MIR2052HG: variants seen among roughly 807,000 people sequenced by gnomAD.
The protein encoded by MIR2052HG is MIR2052 host gene.
chr8:74,602,880 C>CTTTCTTTCTTTCTTTTTCTTTCTT (rs1808042817), intron 1 of MIR2052HG, among the ~76,000 whole-genome samples: 1 of 13,540 alleles, frequency 7.4e-5, no homozygotes, highest in Non-Finnish European at 1.4e-4. Context: ...TTTCTTTTTT[C>CTTTCTTTCTTTCTTTTTCTTTCTT]TATTCACAAA....
At chr8:74,745,497 A>G (rs1809874320) in intron 4 of MIR2052HG, among the ~76,000 whole-genome samples, 1 of 152,152 alleles carries the variant, frequency 6.6e-6, no homozygotes, top group South Asian at 2.1e-4. Context: ...GGCCTGATGA[A>G]TCGATAGTAG....
intron 2 of MIR2052HG, among the ~76,000 whole-genome samples, chr8:74,674,894 T>G (rs1050934055): frequency 4.6e-5 from 7 of 151,930 alleles, no homozygotes. Context: ...ACTTTTCTAT[T>G]ACAATTGGAA....
intron 1 of MIR2052HG, among the ~76,000 whole-genome samples, chr8:74,602,876 T>TTCTTTCTTTCTTTCTTTCTTTCTTTC (rs1586883851): frequency 3.1e-4 from 42 of 137,104 alleles, no homozygotes; most frequent in Admixed American, 5.3e-4. Flanking sequence ...TTTCTTTCTT[T>TTCTTTCTTTCTTTCTTTCTTTCTTTC]TTTCTATTCA....
chr8:74,602,876 T>TCTTTCTTTCTTTCTTTC (rs1554570015), intron 1 of MIR2052HG, among the ~76,000 whole-genome samples: 158 of 136,994 alleles, frequency 1.2e-3, no homozygotes, highest in Middle Eastern at 3.8e-3. Context: ...TTTCTTTCTT[T>TCTTTCTTTCTTTCTTTC]TTTCTATTCA....
chr8:74,655,711 G>T (rs905036208), intron 2 of MIR2052HG, among the ~76,000 whole-genome samples: 3 of 152,228 alleles, frequency 2.0e-5, no homozygotes, highest in African/African-American at 7.2e-5. Context: ...GAAGGAAAAT[G>T]TGGGGTTGGA....
chr8:74,628,405 C>T (rs1291187632), intron 2 of MIR2052HG, among the ~76,000 whole-genome samples: 2 of 152,148 alleles, frequency 1.3e-5, no homozygotes, highest in African/African-American at 4.8e-5. Flanking sequence ...AAACTATGTT[C>T]GTGTGGCTCA....
chr8:74,705,333 G>A (rs1297371901), intron 4 of MIR2052HG, among the ~76,000 whole-genome samples: 2 of 151,862 alleles, frequency 1.3e-5, no homozygotes, highest in African/African-American at 4.8e-5. Context: ...TCTTCCATAT[G>A]TTTCAGGTTG....
chr8:74,676,221 A>T (rs530746265), intron 2 of MIR2052HG, among the ~76,000 whole-genome samples: 13 of 152,210 alleles, frequency 8.5e-5, no homozygotes, highest in African/African-American at 3.1e-4. Flanking sequence ...AGAATGAAGG[A>T]AAATTATTTT....
chr8:74,608,908 A>G (rs1475165714), intron 1 of MIR2052HG, among the ~76,000 whole-genome samples: 1 of 152,066 alleles, frequency 6.6e-6, no homozygotes, highest in Non-Finnish European at 1.5e-5. Flanking sequence ...ACAAAATAAA[A>G]TCCAAAGTAA....
At chr8:74,622,261 C>T (rs572080892) in intron 2 of MIR2052HG, among the ~76,000 whole-genome samples, 41 of 152,020 alleles carry the variant, frequency 2.7e-4, no homozygotes, top group Non-Finnish European at 4.4e-4. Context: ...CAGACATTTT[C>T]GAAAAGGTAA....
intron 4 of MIR2052HG, among the ~76,000 whole-genome samples, chr8:74,746,589 T>TGC (rs1242302800): frequency 7.2e-3 from 5 of 694 alleles, no homozygotes; most frequent in South Asian, 0.1. Flanking sequence ...TGTGTGTGTG[T>TGC]GTGTGTGTGT....
chr8:74,644,993 G>A (rs759332795), intron 2 of MIR2052HG, among the ~76,000 whole-genome samples: 1 of 152,102 alleles, frequency 6.6e-6, no homozygotes, highest in Non-Finnish European at 1.5e-5. Context: ...CATTTTAGAT[G>A]CTTTATTTAT....
At chr8:74,630,101 G>C (rs1808488079) in intron 2 of MIR2052HG, among the ~76,000 whole-genome samples, 1 of 152,160 alleles carries the variant, frequency 6.6e-6, no homozygotes, top group Non-Finnish European at 1.5e-5. Context: ...GGAAGTTCAG[G>C]TCTGTTCAGA....
At chr8:74,640,165 G>T (rs1563520474) in intron 2 of MIR2052HG, among the ~76,000 whole-genome samples, 1 of 151,954 alleles carries the variant, frequency 6.6e-6, no homozygotes, top group Non-Finnish European at 1.5e-5. Context: ...CGGAAATAAG[G>T]GTAGACACTG....
At chr8:74,750,282 T>A (rs1809930736) in intron 4 of MIR2052HG, among the ~76,000 whole-genome samples, 1 of 152,182 alleles carries the variant, frequency 6.6e-6, no homozygotes, top group African/African-American at 2.4e-5. Context: ...TTAGAATATT[T>A]TACTAGCAAA....
At chr8:74,729,131 C>T (rs554354479) in intron 4 of MIR2052HG, among the ~76,000 whole-genome samples, 11 of 152,288 alleles carry the variant, frequency 7.2e-5, no homozygotes, top group Admixed American at 3.3e-4. Context: ...CCAACAATCA[C>T]ATCACTGTAA....
intron 2 of MIR2052HG, chr8:74,633,136 C>G (rs910311802): frequency 6.6e-6 from 1 of 152,518 alleles, no homozygotes; most frequent in Non-Finnish European, 1.5e-5. Flanking sequence ...CCTCCCACCT[C>G]AGTTTTCTGA....
intron 2 of MIR2052HG, among the ~76,000 whole-genome samples, chr8:74,659,594 C>T (rs1808840324): frequency 6.6e-6 from 1 of 152,120 alleles, no homozygotes; most frequent in South Asian, 2.1e-4. Context: ...GCACATACCA[C>T]TGCACCTGGC....
chr8:74,648,799 AAT>A (rs1182381289), intron 2 of MIR2052HG, among the ~76,000 whole-genome samples: 1 of 152,024 alleles, frequency 6.6e-6, no homozygotes, highest in Non-Finnish European at 1.5e-5. Flanking sequence ...AATACTTTTG[AAT>A]CGTCTCTATG....
Sources: allele counts gnomAD v4.1 joint callset (sites outside exome capture counted in the v4.1 genomes callset), GRCh38; gene constraint gnomAD v4.1.1; transcripts MANE v1.5; gene names NCBI Gene and HGNC (gene_info 2026-07-23, HGNC 2026-07-21).